The following DPP6 variants were observed in gnomAD, a reference collection of about 807,000 sequenced individuals.
DPP6 encodes the protein A-type potassium channel modulatory protein DPP6.
DPP6 carries 69 observed loss-of-function variants against 122.6 expected under a neutral mutation model. That is an observed-to-expected ratio of 0.56 (90% confidence interval 0.46 to 0.69). The LOEUF (loss-of-function observed/expected upper bound fraction) is 0.69, where lower values mean the gene tolerates loss of function less well. Among genes scored for constraint, DPP6 ranks in the 30% least tolerant of loss-of-function variants. The pLI, the probability that DPP6 is intolerant of heterozygous loss-of-function variation, is 0.00. For synonymous variants in DPP6, 418 were observed against 433.1 expected, an observed-to-expected ratio of 0.97 and a Z score of 0.43; for missense variants, 928 against 1,116.9, an observed-to-expected ratio of 0.83 and a Z score of 2.41.
intron 3 of DPP6, among the ~76,000 whole-genome samples, chr7:154,514,711 C>G (rs1481778794): frequency 1.3e-5 from 2 of 152,180 alleles, no homozygotes; most frequent in Non-Finnish European, 2.9e-5. Context: ...TAGCCTGTGA[C>G]AGAACTTCCT....
At chr7:154,575,831 T>C (rs1831635830) in intron 5 of DPP6, among the ~76,000 whole-genome samples, 2 of 151,678 alleles carry the variant, frequency 1.3e-5, no homozygotes, top group East Asian at 3.9e-4. Flanking sequence ...GTGTGTGTTG[T>C]TCTGGCTAGT....
chr7:154,295,344 C>T (rs1805469363), intron 1 of DPP6, among the ~76,000 whole-genome samples: 1 of 152,164 alleles, frequency 6.6e-6, no homozygotes, highest in South Asian at 2.1e-4. Flanking sequence ...GGGATTTACA[C>T]CCAAGCTATC....
chr7:154,543,346 A>T (rs959549822), intron 4 of DPP6, among the ~76,000 whole-genome samples: 2 of 152,192 alleles, frequency 1.3e-5, no homozygotes, highest in Non-Finnish European at 2.9e-5. Flanking sequence ...TTCCCGAGCC[A>T]ATAAAAACAG....
At chr7:154,349,659 T>G (rs1323956144) in intron 1 of DPP6, among the ~76,000 whole-genome samples, 1 of 152,214 alleles carries the variant, frequency 6.6e-6, no homozygotes, top group Non-Finnish European at 1.5e-5. Context: ...TATATGCATT[T>G]TAGGAAATAA....
chr7:153,968,238 G>A (rs1366103796), intron 1 of DPP6, among the ~76,000 whole-genome samples: 2 of 150,292 alleles, frequency 1.3e-5, no homozygotes, highest in Admixed American at 1.3e-4. Context: ...AAAAACCATC[G>A]AGTTGGTATC....
In DPP6 at chr7:154,794,070, C is replaced by A; in HGVS notation, c.1137-9C>A. On this transcript the variant is annotated splice_polypyrimidine_tract_variant and intron_variant, in intron 10 of 25. Coordinates refer to ENST00000377770, the MANE Select transcript of DPP6 (RefSeq NM_130797.4). ...GCCAAGCTGCTCATGCTGTGTTTGG[C>A]GTTTCCAGGGAGTACTACATCACCA... is the stretch of plus-strand genomic sequence containing the variant. 5.0e-6 allele frequency: 8 copies of A among 1,612,132 alleles called. No individual in the cohort carries two copies. Among genetic ancestry groups the A allele is most frequent in the Non-Finnish European group, 6.8e-6 (8 of 1,178,894 alleles).
chr7:154,042,605 C>T (rs1429451116), intron 1 of DPP6, among the ~76,000 whole-genome samples: 2 of 152,206 alleles, frequency 1.3e-5, no homozygotes, highest in Admixed American at 6.5e-5. Flanking sequence ...ATGACCAATA[C>T]GATGAAGGGA....
At chr7:154,677,471 A>G (rs1425516225) in intron 7 of DPP6, among the ~76,000 whole-genome samples, 6 of 152,238 alleles carry the variant, frequency 3.9e-5, no homozygotes, top group African/African-American at 1.2e-4. Context: ...AAAGTAGCCC[A>G]TTAAAATTGT....
chr7:154,883,986 TCA>T (rs1259741566), intron 21 of DPP6: 1 of 132,468 alleles, frequency 7.5e-6, no homozygotes, highest in Non-Finnish European at 1.6e-5. Context: ...ATACACATGC[TCA>T]CACATACACA....
chr7:154,399,226 A>G (rs2151181908), intron 1 of DPP6, among the ~76,000 whole-genome samples: 1 of 152,284 alleles, frequency 6.6e-6, no homozygotes, highest in Non-Finnish European at 1.5e-5. Flanking sequence ...TCCCCTCTCC[A>G]AAGGAAAGTT....
At chr7:154,479,882 C>T (rs1823102771) in intron 3 of DPP6, among the ~76,000 whole-genome samples, 1 of 152,094 alleles carries the variant, frequency 6.6e-6, no homozygotes, top group South Asian at 2.1e-4. Context: ...ATCTCACCTT[C>T]TCTGCCCAAC....
chr7:153,771,201 T>A, the DPP6 span, among the ~76,000 whole-genome samples: 1 of 152,134 alleles, frequency 6.6e-6, no homozygotes, highest in Non-Finnish European at 1.5e-5. Flanking sequence ...CATGTTCAAT[T>A]GCTGAAGAAC....
intron 16 of DPP6, among the ~76,000 whole-genome samples, chr7:154,807,625 C>A (rs2150466442): frequency 6.6e-6 from 1 of 152,276 alleles, no homozygotes; most frequent in African/African-American, 2.4e-5. Context: ...AGTTCGAGAC[C>A]TGCCTGGCTA....
chr7:153,857,205 T>A, the DPP6 span, among the ~76,000 whole-genome samples: 4 of 152,190 alleles, frequency 2.6e-5, no homozygotes. Flanking sequence ...TTATCTAAAA[T>A]TTTTAAGCAT....
At chr7:154,810,434 G>C (rs962485833) in intron 16 of DPP6, among the ~76,000 whole-genome samples, 1 of 152,208 alleles carries the variant, frequency 6.6e-6, no homozygotes, top group African/African-American at 2.4e-5. Context: ...TGCTTGGACA[G>C]AGTGTTAAAG....
At chr7:154,626,937 C>T (rs1835106114) in intron 5 of DPP6, among the ~76,000 whole-genome samples, 1 of 148,052 alleles carries the variant, frequency 6.8e-6, no homozygotes, top group African/African-American at 2.5e-5. Flanking sequence ...GTCATATGAG[C>T]TAAACATCTT....
upstream of DPP6, among the ~76,000 whole-genome samples, chr7:153,884,987 A>AATACACATAT (rs1209555021): frequency 4.3e-5 from 5 of 116,466 alleles, no homozygotes; most frequent in Middle Eastern, 4.4e-3. Flanking sequence ...TCAAAACAAA[A>AATACACATAT]ATATATATAT....
At chr7:154,495,547 G>C (rs1824661346) in intron 3 of DPP6, among the ~76,000 whole-genome samples, 1 of 151,936 alleles carries the variant, frequency 6.6e-6, no homozygotes, top group Non-Finnish European at 1.5e-5. Flanking sequence ...GCGCCACCAT[G>C]CCCGGCTAAT....
chr7:154,339,398 A>G (rs913337493), intron 1 of DPP6, among the ~76,000 whole-genome samples: 2 of 152,162 alleles, frequency 1.3e-5, no homozygotes, highest in Non-Finnish European at 1.5e-5. Context: ...GCTCTTCCCA[A>G]TGGGGAGGAG....
Sources: gnomAD v4.1 joint callset for allele counts (sites outside exome capture counted in the v4.1 genomes callset) on GRCh38, gnomAD v4.1.1 for gene constraint, MANE v1.5 for transcripts, NCBI Gene and HGNC (gene_info 2026-07-23, HGNC 2026-07-21) for gene names.